MED15: variants seen among roughly 807,000 people sequenced by gnomAD.
The protein encoded by MED15 is mediator of RNA polymerase II transcription subunit 15.
A neutral mutation model predicts 118.7 loss-of-function variants in MED15; 41 were observed. The ratio of observed to expected loss-of-function variants is 0.35; its 90% CI spans 0.27 to 0.45. The LOEUF is 0.45. MED15 is among the 20% of genes least tolerant of loss of function. The probability of loss-of-function intolerance (pLI) is 1.00; values close to 1 mark genes in which losing one functional copy is unlikely to be tolerated. For synonymous variants in MED15, 436 were observed against 413.9 expected, an observed-to-expected ratio of 1.05 and a Z score of -0.65; for missense variants, 740 against 1,025.5, an observed-to-expected ratio of 0.72 and a Z score of 3.80.
intron 1 of MED15, among the ~76,000 whole-genome samples, chr22:20,526,458 A>G (rs528365436): frequency 5.0e-4 from 76 of 152,228 alleles, no homozygotes; most frequent in African/African-American, 1.6e-3. Context: ...TTCTTCCAGT[A>G]TTCTACTTTC....
chr22:20,530,700 G>A (rs894141606), intron 1 of MED15, among the ~76,000 whole-genome samples: 8 of 152,148 alleles, frequency 5.3e-5, no homozygotes, highest in African/African-American at 1.7e-4. Flanking sequence ...AGAGCAGAGC[G>A]GGAGTTGGGG....
chr22:20,583,079 G>T, intron 11 of MED15, 34 bp from the exon 12 acceptor site: 1 of 1,562,092 alleles, frequency 6.4e-7, no homozygotes, highest in South Asian at 1.2e-5. Context: ...CCCGAGGGTC[G>T]AGGGCTGTGG....
chr22:20,525,932 T>C (rs1333877850), intron 1 of MED15, among the ~76,000 whole-genome samples: 1 of 152,022 alleles, frequency 6.6e-6, no homozygotes, highest in Admixed American at 6.6e-5. Flanking sequence ...ATTTTCTTTT[T>C]TTTTTTGAGA....
intron 2 of MED15, among the ~76,000 whole-genome samples, chr22:20,545,473 CAAAA>C (rs56307139): frequency 1.1e-5 from 1 of 90,146 alleles, no homozygotes. Flanking sequence ...GACTCCACCT[CAAAA>C]AAAAAAAAAA....
intron 9 of MED15, 114 bp downstream of exon 9, chr22:20,575,346 C>A: frequency 3.8e-6 from 5 of 1,316,190 alleles, no homozygotes; most frequent in South Asian, 1.5e-5. Context: ...TGGTGGCTTT[C>A]AGAGTGCCAA....
intron 2 of MED15, among the ~76,000 whole-genome samples, chr22:20,547,015 A>G (rs1329970008): frequency 6.6e-6 from 1 of 152,178 alleles, no homozygotes; most frequent in African/African-American, 2.4e-5. Flanking sequence ...AATATTTCTA[A>G]TTCAAATTTA....
At chr22:20,545,473 C>CA (rs56307139) in intron 2 of MED15, among the ~76,000 whole-genome samples, 2,965 of 90,030 alleles carry the variant, frequency 0.033, 130 homozygotes, top group African/African-American at 0.12. Flanking sequence ...GACTCCACCT[C>CA]AAAAAAAAAA....
chr22:20,555,931 C>T (rs953999391), intron 5 of MED15, among the ~76,000 whole-genome samples: 2 of 152,206 alleles, frequency 1.3e-5, no homozygotes, highest in African/African-American at 4.8e-5. Context: ...CCATGTTGCC[C>T]AGGCTTATCT....
chr22:20,556,904 C>G (rs1191321684), intron 5 of MED15, among the ~76,000 whole-genome samples: 1 of 152,164 alleles, frequency 6.6e-6, no homozygotes, highest in Non-Finnish European at 1.5e-5. Context: ...CAATCTGATA[C>G]CCTTGAGACC....
chr22:20,570,746 C>CTTT (rs61109389), intron 8 of MED15, among the ~76,000 whole-genome samples: 624 of 62,068 alleles, frequency 0.01, 9 homozygotes, highest in Middle Eastern at 0.015. Flanking sequence ...TTCTTTCTTT[C>CTTT]TTTTTTTTTT....
At chr22:20,507,944 G>A in intron 1 of MED15, 198 bp downstream of exon 1, 5 of 1,441,400 alleles carry the variant, frequency 3.5e-6, no homozygotes, top group Non-Finnish European at 4.6e-6. Context: ...GCTTTCCTGG[G>A]GCCGAGCTCT....
chr22:20,528,695 G>A (rs959153005), intron 1 of MED15, among the ~76,000 whole-genome samples: 6 of 152,214 alleles, frequency 3.9e-5, no homozygotes, highest in African/African-American at 9.7e-5. Context: ...TGCTCACTGC[G>A]ATGGAGGAGG....
At position 20,566,526 on chromosome 22, in the gene MED15, ACAGCAGCAGCAGCAGCAG is replaced by A; in HGVS notation, c.769_786del (p.Gln257_Gln262del). The A allele has an allele frequency of 3.9e-5, 63 of 1,601,790 alleles. No homozygotes were observed. The highest frequency in any genetic ancestry group is 1.9e-4 in the South Asian group (17 of 90,642). Reference sequence around the variant, plus strand: ...CACAGCTGCAGCTCCAACAACAGCAACAGCAGCAGCAGCAGCAGCAGCAGCAGCAGCAGCAGGCTTTGC... The same window carrying A: ...CACAGCTGCAGCTCCAACAACAGCAACAGCAGCAGCAGCAGCAGGCTTTGC... On this transcript the variant is annotated inframe_deletion, in exon 7 of 18. Coordinates refer to ENST00000263205, the MANE Select transcript of MED15 (RefSeq NM_001003891.3).
At chr22:20,542,084 C>T (rs556541281) in intron 2 of MED15, among the ~76,000 whole-genome samples, 131 of 152,092 alleles carry the variant, frequency 8.6e-4, no homozygotes, top group Non-Finnish European at 1.3e-3. Flanking sequence ...GGTGAGCCAC[C>T]GTGCCTGGCA....
chr22:20,537,099 TCTC>T lies in MED15; in HGVS notation c.69-15_69-13del, dbSNP rs1348830124. On this transcript the variant is annotated splice_polypyrimidine_tract_variant and intron_variant, in intron 1 of 17. Transcript: ENST00000263205. ...GTCACTGGTGTGTGCAAACGTCTCT[TCTC>T]CTTTTGTGTTTCAGCGAGGATGCCA... 5 of 1,611,784 alleles carry T rather than the reference TCTC, an allele frequency of 3.1e-6. No homozygotes were observed. Among genetic ancestry groups the T allele is most frequent in the Middle Eastern group, 1.6e-4 (1 of 6,066 alleles).
At chr22:20,576,014 C>G (rs961831060) in intron 9 of MED15, among the ~76,000 whole-genome samples, 13 of 152,096 alleles carry the variant, frequency 8.5e-5, no homozygotes, top group Admixed American at 8.5e-4. Context: ...AGGTAGACTT[C>G]TGTGTACATT....
At chr22:20,529,434 AT>A (rs966875081) in intron 1 of MED15, among the ~76,000 whole-genome samples, 2 of 151,352 alleles carry the variant, frequency 1.3e-5, no homozygotes, top group African/African-American at 4.9e-5. Flanking sequence ...TTACGTATAT[AT>A]TTTTTTGAGA....
At chr22:20,508,128 C>T (rs1601416597) in intron 1 of MED15, 1 of 1,238,440 alleles carries the variant, frequency 8.1e-7, no homozygotes, top group African/African-American at 1.6e-5. Context: ...GGTTTCTCTT[C>T]CAGAAAAGCG....
At chr22:20,575,265 G>A in intron 9 of MED15, 33 bp downstream of exon 9, 1 of 1,607,660 alleles carries the variant, frequency 6.2e-7, no homozygotes, top group South Asian at 1.1e-5. Flanking sequence ...GGCACGGCTG[G>A]GAGCTCGGGG....
Sources: allele counts gnomAD v4.1 joint callset (sites outside exome capture counted in the v4.1 genomes callset), GRCh38; gene constraint gnomAD v4.1.1; transcripts MANE v1.5; gene names NCBI Gene and HGNC (gene_info 2026-07-23, HGNC 2026-07-21).